BMPR1B: variants seen among roughly 807,000 people sequenced by gnomAD.
BMPR1B encodes bone morphogenetic protein receptor type 1B, also known as bone morphogenetic protein receptor type-1B.
BMPR1B carries 12 observed loss-of-function variants against 59.1 expected under a neutral mutation model. The ratio of observed to expected loss-of-function variants is 0.20; its 90% CI spans 0.13 to 0.33. BMPR1B has a LOEUF of 0.33. Among genes scored for constraint, BMPR1B ranks in the 10% least tolerant of loss-of-function variants. BMPR1B has a pLI of 1.00. For synonymous variants in BMPR1B, 237 were observed against 207.3 expected (o/e 1.14, Z -1.23); for missense variants, 550 against 610.9 (o/e 0.90, Z 1.05).
intron 2 of BMPR1B, among the ~76,000 whole-genome samples, chr4:94,982,877 C>T (rs1370737158): frequency 1.3e-5 from 2 of 151,466 alleles, no homozygotes; most frequent in African/African-American, 4.8e-5. Context: ...CCCAGCTACT[C>T]GGGAAGCTGA....
chr4:95,055,204 C>T (rs571300220), intron 3 of BMPR1B, among the ~76,000 whole-genome samples: 1 of 152,198 alleles, frequency 6.6e-6, no homozygotes, highest in South Asian at 2.1e-4. Context: ...GTTGCCAGGC[C>T]ATATTCCATA....
At chr4:94,768,987 C>T (rs1163192318) in intron 1 of BMPR1B, among the ~76,000 whole-genome samples, 1 of 152,128 alleles carries the variant, frequency 6.6e-6, no homozygotes, top group Non-Finnish European at 1.5e-5. Flanking sequence ...TTTTCATCAA[C>T]ACCTTTCTAG....
At chr4:94,917,955 A>G (rs564841097) in intron 2 of BMPR1B, among the ~76,000 whole-genome samples, 12 of 152,102 alleles carry the variant, frequency 7.9e-5, no homozygotes, top group African/African-American at 2.9e-4. Flanking sequence ...GGTCATTTAA[A>G]AGTGTGTGGC....
chr4:94,830,797 C>T (rs931788183), intron 1 of BMPR1B, among the ~76,000 whole-genome samples: 4 of 152,138 alleles, frequency 2.6e-5, no homozygotes, highest in African/African-American at 9.7e-5. Context: ...CTGTAGCCAT[C>T]GTAACGCCAT....
In BMPR1B at chr4:95,053,742, C is replaced by T. The variant is rs75839024; in HGVS notation, c.-17-50666C>T. Among the ~76,000 whole-genome samples, 321 of 152,176 alleles carry T rather than the reference C, an allele frequency of 2.1e-3. 1 individual carries two copies. Among genetic ancestry groups the T allele is most frequent in the Non-Finnish European group, 3.8e-3 (257 of 67,984 alleles). Reference sequence around the variant, plus strand: ...CAATTGATTTTCCCAGCTTTGTCACCAATTGACTTTTTTTGTTGAGGAATT... The same window carrying T: ...CAATTGATTTTCCCAGCTTTGTCACTAATTGACTTTTTTTGTTGAGGAATT... On this transcript the variant is annotated intron_variant, in intron 3 of 12. Transcript: ENST00000515059.
At chr4:94,862,422 AT>A (rs1726021775) in intron 1 of BMPR1B, among the ~76,000 whole-genome samples, 1 of 150,156 alleles carries the variant, frequency 6.7e-6, no homozygotes, top group South Asian at 2.2e-4. Flanking sequence ...AAGTGCTGGG[AT>A]TACAGGCATG....
At chr4:94,765,997 A>G (rs10001046) in intron 1 of BMPR1B, among the ~76,000 whole-genome samples, 5,098 of 152,264 alleles carry the variant, frequency 0.033, 154 homozygotes, top group East Asian at 0.083. Context: ...GTCAATGACA[A>G]TAATAGTATT....
Position 95,154,881 on chromosome 4 carries a change from A to AGG in BMPR1B, c.*209_*210dup. 1 of 619,566 alleles carries AGG rather than the reference A, an allele frequency of 1.6e-6. No homozygotes were observed. Among genetic ancestry groups the AGG allele is most frequent in the African/African-American group, 1.8e-5 (1 of 54,112 alleles). 38.4% of individuals were successfully genotyped at this position (619,566 alleles called of 1,614,324 possible). On this transcript the variant is annotated 3_prime_UTR_variant, in exon 13 of 13. Transcript: ENST00000515059. ...GAGAGATTGATCCATGTCTGTTTGT[A>AGG]GGACGGAGAAACCGCTTGGGTAACT...
At chr4:95,011,178 C>A (rs1488447480) in intron 3 of BMPR1B, among the ~76,000 whole-genome samples, 2 of 152,002 alleles carry the variant, frequency 1.3e-5, no homozygotes, top group Non-Finnish European at 2.9e-5. Context: ...CAGATTATTT[C>A]ATCCCCCAGA....
At chr4:94,793,816 CTTT>C (rs1723076081) in intron 1 of BMPR1B, among the ~76,000 whole-genome samples, 1 of 149,658 alleles carries the variant, frequency 6.7e-6, no homozygotes, top group Non-Finnish European at 1.5e-5. Flanking sequence ...TAAATGTCTT[CTTT>C]TGAGAAGTGT....
intron 3 of BMPR1B, among the ~76,000 whole-genome samples, chr4:95,071,650 G>GTATATATATATATA (rs1459082558): frequency 0.011 from 898 of 78,178 alleles, 7 homozygotes; most frequent in Middle Eastern, 0.027. Flanking sequence ...GTGTGTGTGT[G>GTATATATATATATA]TGTATATATA....
intron 2 of BMPR1B, among the ~76,000 whole-genome samples, chr4:94,902,314 CTG>C (rs72067537): frequency 0.042 from 5,840 of 139,142 alleles, 158 homozygotes; most frequent in Middle Eastern, 0.067. Flanking sequence ...AAAAAACAAA[CTG>C]GAAATAATTC....
intron 3 of BMPR1B, among the ~76,000 whole-genome samples, chr4:95,012,814 C>T (rs1431618657): frequency 2.0e-5 from 3 of 151,952 alleles, no homozygotes; most frequent in Admixed American, 1.3e-4. Flanking sequence ...CAAGTATTTA[C>T]ACAAAGATGA....
chr4:95,008,780 G>A (rs1378366315), intron 3 of BMPR1B, among the ~76,000 whole-genome samples: 4 of 152,008 alleles, frequency 2.6e-5, no homozygotes, highest in African/African-American at 9.7e-5. Context: ...GAATCAGTAA[G>A]AAAAGTAAAT....
In BMPR1B at chr4:95,104,515, C is replaced by A. The variant is rs745854387; in HGVS notation, c.91C>A (p.Arg31Ser). 6.2e-7 allele frequency: 1 copy of A among 1,613,262 alleles called. No individual in the cohort carries two copies. Among genetic ancestry groups the A allele is most frequent in the Non-Finnish European group, 8.5e-7 (1 of 1,179,604 alleles). The part of the protein sequence containing the change: ...TAPTPRPKVL[R>S]CKCHHHCPED... ...CCCCACCCCCCGTCCAAAGGTCTTG[C>A]GTTGTAAATGCCACCACCATTGTCC... Residue 31 changes from arginine (R) to serine (S), a missense_variant, in exon 4 of 13, where the codon CGT becomes AGT. Physicochemically the swap from Arg to Ser is moderately radical, Grantham distance 110 (BLOSUM62 -1). This residue lies in a region of BMPR1B where 22 missense variants were observed against 66.1 expected (regional missense o/e 0.33). Coordinates refer to ENST00000515059, the MANE Select transcript of BMPR1B (RefSeq NM_001203.3).
At chr4:94,854,247 A>G (rs1725671144) in intron 1 of BMPR1B, among the ~76,000 whole-genome samples, 2 of 152,200 alleles carry the variant, frequency 1.3e-5, no homozygotes, top group Admixed American at 1.3e-4. Flanking sequence ...AGGAGAGATT[A>G]TATGAAAATA....
intron 2 of BMPR1B, among the ~76,000 whole-genome samples, chr4:94,910,852 TA>T (rs2149011822): frequency 6.6e-6 from 1 of 152,132 alleles, no homozygotes; most frequent in Admixed American, 6.5e-5. Flanking sequence ...TTTGAGGTTA[TA>T]GAGAGCTGTG....
At chr4:94,952,181 C>G (rs752369788) in intron 2 of BMPR1B, among the ~76,000 whole-genome samples, 5 of 152,102 alleles carry the variant, frequency 3.3e-5, no homozygotes, top group Non-Finnish European at 5.9e-5. Flanking sequence ...AGCAGTCTAT[C>G]TATTTTGTTA....
chr4:94,901,090 G>T (rs1257402856), intron 2 of BMPR1B, among the ~76,000 whole-genome samples: 1 of 151,912 alleles, frequency 6.6e-6, no homozygotes, highest in Admixed American at 6.6e-5. Flanking sequence ...GTTGGTAGGG[G>T]CCCTCAGCTC....
Sources: allele counts gnomAD v4.1 joint callset (sites outside exome capture counted in the v4.1 genomes callset), GRCh38; gene constraint gnomAD v4.1.1; regional missense constraint gnomAD v4.1.1; transcripts MANE v1.5; gene names NCBI Gene and HGNC (gene_info 2026-07-23, HGNC 2026-07-21).